Variants in DAB1 observed in about 807,000 individuals in gnomAD.
DAB1 encodes the protein disabled homolog 1.
In DAB1, 15 loss-of-function variants were observed where a neutral mutation model predicts 64.6. That is an observed-to-expected ratio of 0.23 (90% CI 0.16 to 0.36). The LOEUF (loss-of-function observed/expected upper bound fraction) is 0.36, where lower values mean the gene tolerates loss of function less well. Ranked by LOEUF, DAB1 falls within the 10% of genes least tolerant of loss-of-function variation. DAB1 has a pLI of 1.00. For missense variants in DAB1, 596 were observed against 706.7 expected (o/e 0.84, Z 1.78); for synonymous variants, 235 against 251.9 (o/e 0.93, Z 0.64).
At chr1:57,621,962 G>A (rs1161969477) in intron 7 of DAB1, among the ~76,000 whole-genome samples, 1 of 152,172 alleles carries the variant, frequency 6.6e-6, no homozygotes, top group African/African-American at 2.4e-5. Flanking sequence ...TTTGGCAGTG[G>A]AGTCCAGACT....
At chr1:58,029,089 G>A (rs1479020201) in intron 5 of DAB1, among the ~76,000 whole-genome samples, 1 of 152,120 alleles carries the variant, frequency 6.6e-6, no homozygotes, top group Non-Finnish European at 1.5e-5. Flanking sequence ...CAATTACAGT[G>A]AGGTTATACT....
intron 3 of DAB1, among the ~76,000 whole-genome samples, chr1:58,466,816 G>A (rs1358585252): frequency 6.6e-6 from 1 of 152,196 alleles, no homozygotes; most frequent in Non-Finnish European, 1.5e-5. Context: ...GGTCTGTGCA[G>A]GGGGAGCTGT....
intron 5 of DAB1, among the ~76,000 whole-genome samples, chr1:57,935,092 G>A (rs942091242): frequency 1.3e-5 from 2 of 152,222 alleles, no homozygotes; most frequent in African/African-American, 2.4e-5. Flanking sequence ...TTTAAGCCCT[G>A]ATGCTAACGC....
intron 6 of DAB1, among the ~76,000 whole-genome samples, chr1:57,780,630 T>C (rs76733267): frequency 0.011 from 1,617 of 152,208 alleles, 30 homozygotes; most frequent in South Asian, 0.036. Flanking sequence ...TTTGTCAATA[T>C]TTTGAAAAGT....
intron 3 of DAB1, among the ~76,000 whole-genome samples, chr1:58,363,911 A>T (rs6656730): frequency 0.2 from 30,494 of 152,160 alleles, 3,142 homozygotes; most frequent in Middle Eastern, 0.3. Flanking sequence ...TCCATAGAAC[A>T]GTGCATGGAT....
chr1:57,467,952 C>A (rs1055430196), intron 7 of DAB1, among the ~76,000 whole-genome samples: 26 of 152,274 alleles, frequency 1.7e-4, no homozygotes, highest in African/African-American at 6.3e-4. Flanking sequence ...TTATTGAGCT[C>A]AGAACATAGA....
At chr1:57,196,679 G>T (rs952449994) in intron 2 of DAB1, among the ~76,000 whole-genome samples, 1 of 152,192 alleles carries the variant, frequency 6.6e-6, no homozygotes. Context: ...GAATATTACA[G>T]TTGCCACAGC....
intron 4 of DAB1, among the ~76,000 whole-genome samples, chr1:58,241,029 T>C (rs573051680): frequency 6.6e-6 from 1 of 152,118 alleles, no homozygotes; most frequent in Admixed American, 6.6e-5. Context: ...CATAAAGATA[T>C]GAGAATTTAA....
intron 2 of DAB1, among the ~76,000 whole-genome samples, chr1:57,280,945 G>A (rs1570149342): frequency 6.6e-6 from 1 of 152,044 alleles, no homozygotes; most frequent in Non-Finnish European, 1.5e-5. Flanking sequence ...TAATGGCATA[G>A]CATAGAAAAA....
intron 5 of DAB1, chr1:58,071,401 T>G (rs867285752): frequency 7.2e-4 from 109 of 151,708 alleles, no homozygotes; most frequent in Middle Eastern, 3.2e-3. Context: ...TGTGTGTGTG[T>G]GTGTGGGTGG....
At chr1:57,898,073 TAA>T (rs1288457269) in intron 5 of DAB1, among the ~76,000 whole-genome samples, 2 of 152,062 alleles carry the variant, frequency 1.3e-5, no homozygotes, top group Non-Finnish European at 2.9e-5. Flanking sequence ...GCAAACCCCA[TAA>T]AGACTCTCCC....
chr1:58,496,137 G>A (rs977399564), intron 3 of DAB1, among the ~76,000 whole-genome samples: 1 of 151,494 alleles, frequency 6.6e-6, no homozygotes, highest in Non-Finnish European at 1.5e-5. Context: ...GGATTTCCTG[G>A]TGCCTTTTCA....
intron 2 of DAB1, among the ~76,000 whole-genome samples, chr1:57,192,287 A>G (rs995947574): frequency 1.3e-5 from 2 of 151,048 alleles, no homozygotes; most frequent in African/African-American, 4.9e-5. Flanking sequence ...ACTACACTCC[A>G]GCCCGGGTGA....
intron 4 of DAB1, among the ~76,000 whole-genome samples, chr1:58,226,988 T>C (rs915641206): frequency 6.6e-6 from 1 of 152,220 alleles, no homozygotes. Context: ...ATTAACTCAT[T>C]TAACTCTCGA....
intron 4 of DAB1, among the ~76,000 whole-genome samples, chr1:58,219,589 C>G (rs1313867251): frequency 1.3e-5 from 2 of 152,216 alleles, no homozygotes; most frequent in Admixed American, 1.3e-4. Context: ...CTGCACACAG[C>G]TGACTCCTTC....
intron 9 of DAB1, among the ~76,000 whole-genome samples, chr1:57,057,335 CTTATA>C (rs1649872368): frequency 6.6e-6 from 1 of 152,046 alleles, no homozygotes; most frequent in African/African-American, 2.4e-5. Flanking sequence ...GCCTGTCTCT[CTTATA>C]TATTATATTG....
At chr1:57,196,993 T>C (rs1247917065) in intron 2 of DAB1, among the ~76,000 whole-genome samples, 1 of 152,172 alleles carries the variant, frequency 6.6e-6, no homozygotes, top group Non-Finnish European at 1.5e-5. Flanking sequence ...ATTAGGCAGA[T>C]TGCCATCAAA....
intron 3 of DAB1, among the ~76,000 whole-genome samples, chr1:58,351,005 T>C (rs1644050440): frequency 6.6e-6 from 1 of 152,190 alleles, no homozygotes; most frequent in South Asian, 2.1e-4. Flanking sequence ...AAGTCAGTGG[T>C]AGCTTGATGA....
chr1:58,468,253 T>G (rs1484962430), intron 3 of DAB1: 2 of 152,268 alleles, frequency 1.3e-5, no homozygotes, highest in African/African-American at 4.8e-5. Context: ...TTGTCACATA[T>G]GTACTCATCT....
Sources: gnomAD v4.1 joint callset for allele counts (sites outside exome capture counted in the v4.1 genomes callset) on GRCh38, gnomAD v4.1.1 for gene constraint, MANE v1.5 for transcripts, NCBI Gene and HGNC (gene_info 2026-07-23, HGNC 2026-07-21) for gene names.